Variants in ANKRD13D observed in about 807,000 individuals in gnomAD.
The protein encoded by ANKRD13D is ankyrin repeat domain 13D, also known as ankyrin repeat domain-containing protein 13D.
ANKRD13D carries 24 observed loss-of-function variants against 68.8 expected under a neutral mutation model. The ratio of observed to expected loss-of-function variants is 0.35; its 90% confidence interval spans 0.25 to 0.49. ANKRD13D has a LOEUF of 0.49. ANKRD13D is among the 20% of genes least tolerant of loss of function. The pLI is 0.99. For missense variants in ANKRD13D, 735 were observed against 832.1 expected, an observed-to-expected ratio of 0.88 and a Z score of 1.44; for synonymous variants, 331 against 336.1, an observed-to-expected ratio of 0.98 and a Z score of 0.16.
Position 67,300,197 on chromosome 11 carries a change from A to G in ANKRD13D, c.1073+74A>G. 6.3e-7 allele frequency: 1 copy of G among 1,588,672 alleles called. No homozygotes were observed. The highest frequency in any genetic ancestry group is 8.6e-7 in the Non-Finnish European group (1 of 1,165,090). The stretch of plus-strand genomic sequence containing the variant: ...GCAGACCCCTCTCTGGGCCTGTCAT[A>G]GTTAGGGACCCACTCCCTCGGCTGG... On this transcript the variant is annotated intron_variant, in intron 10 of 14. Coordinates refer to ENST00000511455, the MANE Select transcript of ANKRD13D (RefSeq NM_207354.3). The surrounding 1 kb of genome is among the most constrained non-coding windows in gnomAD (Gnocchi z 4.3).
intron 3 of ANKRD13D, chr11:67,290,655 G>C (rs1860497014): frequency 1.4e-6 from 1 of 714,026 alleles, no homozygotes; most frequent in Non-Finnish European, 2.1e-6. Context: ...CCCTTTGGAA[G>C]AGAAGCCTTG....
chr11:67,295,945 G>T (rs901272448), intron 6 of ANKRD13D, among the ~76,000 whole-genome samples: 1 of 152,166 alleles, frequency 6.6e-6, no homozygotes, highest in African/African-American at 2.4e-5. Context: ...ATGAAAGGAT[G>T]TTGGATTTTG....
At position 67,302,191 on chromosome 11, in the gene ANKRD13D, C is replaced by A. The variant is rs764104705; in HGVS notation, c.1677C>A (p.Ala559=). The A allele has an allele frequency of 2.5e-6, 4 of 1,592,234 alleles. No individual in the cohort carries two copies. The African/African-American group carries it at 5.4e-5, about 21-fold the overall frequency. The change falls in exon 15 of 15, where the codon GCC becomes GCA. Residue 559 remains alanine (A), a synonymous_variant. Coordinates refer to ENST00000511455, the MANE Select transcript of ANKRD13D (RefSeq NM_207354.3). The stretch of plus-strand genomic sequence containing the variant: ...GATCCCCTCCCAGGACACCCCCAGC[C>A]CCCGGTCCACCCAGCTTTGAAGAGC... ...GPGSPPRTPP[A]PGPPSFEEQL... is the part of the protein sequence containing the mutation.
chr11:67,300,086 A>C lies in ANKRD13D; in HGVS notation c.1036A>C (p.Ile346Leu). ...CAACTTCAGCCTGGAGTCACGGAAC[A>C]TTGGCCGCCCCATCGAGATGTCCAG... Reference protein sequence around the residue: ...DPNFSLESRNIGRPIEMSSKV... With the variant: ...DPNFSLESRNLGRPIEMSSKV... The change falls in exon 10 of 15, where the codon ATT becomes CTT. Residue 346 changes from isoleucine (I) to leucine (L), a missense_variant. Coordinates refer to ENST00000511455, the MANE Select transcript of ANKRD13D (RefSeq NM_207354.3). The surrounding 1 kb of genome is among the most constrained non-coding windows in gnomAD (Gnocchi z 4.3). 6.2e-7 allele frequency: 1 copy of C among 1,614,010 alleles called. No individual in the cohort carries two copies. Among genetic ancestry groups the C allele is most frequent in the Non-Finnish European group, 8.5e-7 (1 of 1,179,940 alleles).
At position 67,291,720 on chromosome 11, in the gene ANKRD13D, G is replaced by A. The variant is rs150486121; in HGVS notation, c.515G>A (p.Arg172Gln). The A allele has an allele frequency of 8.7e-6, 14 of 1,613,900 alleles. No homozygotes were observed. Among genetic ancestry groups the A allele is most frequent in the South Asian group, 2.2e-5 (2 of 91,094 alleles). Residue 172 changes from arginine to glutamine, a missense_variant, in exon 5 of 15, where the codon CGG becomes CAG. Transcript: ENST00000511455. ...GFEHMTWQRG[R>Q]RSFIFKGQEA... ...GAGCACATGACCTGGCAGCGGGGCC[G>A]GAGGAGCTTCATCTTCAAGGGCCAG...
chr11:67,291,147 C>A (rs1323866971), intron 3 of ANKRD13D: 3 of 307,860 alleles, frequency 9.7e-6, no homozygotes, highest in Non-Finnish European at 1.8e-5. Flanking sequence ...CACTTGAGCC[C>A]AGGAGGTGGA....
intron 3 of ANKRD13D, chr11:67,290,924 G>C (rs922955459): frequency 5.6e-6 from 1 of 179,930 alleles, no homozygotes; most frequent in African/African-American, 2.4e-5. Flanking sequence ...CTCTGCACAG[G>C]CTCATGGCCA....
chr11:67,298,773 T>C, intron 6 of ANKRD13D: 1 of 451,682 alleles, frequency 2.2e-6, no homozygotes, highest in East Asian at 3.8e-5. Flanking sequence ...AGTAAATGCT[T>C]CTGCACAATT....
intron 6 of ANKRD13D, among the ~76,000 whole-genome samples, chr11:67,296,205 T>C (rs1002942981): frequency 6.6e-6 from 1 of 152,230 alleles, no homozygotes; most frequent in African/African-American, 2.4e-5. Flanking sequence ...GGTTTTGGTA[T>C]CTGGGTGATG....
At chr11:67,291,438 C>T (rs1391681774) in intron 3 of ANKRD13D, 38 bp from the exon 4 acceptor site, 1 of 1,611,566 alleles carries the variant, frequency 6.2e-7, no homozygotes, top group Non-Finnish European at 8.5e-7. Flanking sequence ...GAGCCAGCAG[C>T]AGGCAGGGCG....
intron 1 of ANKRD13D, 65 bp downstream of exon 1, chr11:67,289,615 C>T: frequency 2.4e-6 from 3 of 1,232,438 alleles, no homozygotes; most frequent in Non-Finnish European, 3.2e-6. Context: ...TGGCCTCCGT[C>T]CTGGAGCCCC....
intron 3 of ANKRD13D, chr11:67,290,733 A>C: frequency 2.6e-6 from 1 of 389,994 alleles, no homozygotes; most frequent in East Asian, 4.7e-5. Context: ...TCGGTGGATT[A>C]TGGCCTGAAA....
At chr11:67,290,027 C>T (rs1860465786) in intron 1 of ANKRD13D, 51 bp from the exon 2 acceptor site, 1 of 1,507,406 alleles carries the variant, frequency 6.6e-7, no homozygotes, top group Admixed American at 2.1e-5. Context: ...GGCAGCCTCC[C>T]TGCCTTGCCC....
chr11:67,298,365 T>A (rs200908072), intron 6 of ANKRD13D: 2 of 152,332 alleles, frequency 1.3e-5, no homozygotes, highest in Non-Finnish European at 2.9e-5. Context: ...CCCGGACTTA[T>A]TGAGGTTTTC....
Position 67,290,401 on chromosome 11 carries a change from G to GC in ANKRD13D, c.307dup (p.Gln103ProfsTer22), listed in dbSNP as rs778756837. On this transcript the variant is annotated frameshift_variant, in exon 3 of 15. Transcript: ENST00000511455. LOFTEE classifies it high-confidence loss of function. ...AGTATCGGGACTACCAGAGGGCCAC[G>GC]CAGAGGCTGGCGGGCATTCCGGAAC... 15 of 1,593,080 alleles carry GC rather than the reference G, an allele frequency of 9.4e-6. No individual in the cohort carries two copies. Among genetic ancestry groups the GC allele is most frequent in the Non-Finnish European group, 1.1e-5 (13 of 1,171,132 alleles).
rs1349244979 is a variant in ANKRD13D at position 67,299,442 on chromosome 11, G to A, written c.799-88G>A. Reference sequence around the variant, plus strand: ...GGAGCAAGATCTCATCTGTCTCTGGGACAGGAGGACCTGGGTTCTGCACTG... The same window carrying A: ...GGAGCAAGATCTCATCTGTCTCTGGAACAGGAGGACCTGGGTTCTGCACTG... On this transcript the variant is annotated intron_variant, in intron 7 of 14. Transcript: ENST00000511455. This position sits in a 1 kb window ranked among gnomAD's most constrained non-coding sequence, Gnocchi z 6.2. 1 of 1,138,514 alleles carries A rather than the reference G, an allele frequency of 8.8e-7. No homozygotes were observed. The highest frequency in any genetic ancestry group is 1.5e-5 in the African/African-American group (1 of 64,740). 70.5% of individuals were successfully genotyped at this position (1,138,514 alleles called of 1,614,324 possible).
rs1197385504 is a variant in ANKRD13D, at chr11:67,290,187, G to C, written c.200G>C (p.Gly67Ala). Residue 67 changes from glycine to alanine, a missense_variant, in exon 2 of 15, where the codon GGC (glycine) becomes GCC (alanine). Gly to Ala is a moderately conservative substitution (Grantham distance 60). Coordinates refer to ENST00000511455, the MANE Select transcript of ANKRD13D (RefSeq NM_207354.3). ...CTCCTTCGACACAATGCCAACGTGG[G>C]CAAAGAGAACCGCCAGGGCTGGGCA... ...RVLLRHNANV[G>A]KENRQGWAVL... 1 of 1,537,786 alleles carries C rather than the reference G, an allele frequency of 6.5e-7. No homozygotes were observed. Among genetic ancestry groups the C allele is most frequent in the Non-Finnish European group, 8.7e-7 (1 of 1,146,880 alleles).
chr11:67,291,465 G>A lies in ANKRD13D; in HGVS notation c.352-11G>A, dbSNP rs1181247108. ...GGCAGGGCGCTGACAAGCAGCTCTG[G>A]TTTCTCTTAGGCCCCCGATTTCTAC... On this transcript the variant is annotated splice_polypyrimidine_tract_variant and intron_variant, in intron 3 of 14. Coordinates refer to ENST00000511455, the MANE Select transcript of ANKRD13D (RefSeq NM_207354.3). The A allele has an allele frequency of 1.2e-6, 2 of 1,613,556 alleles. No individual in the cohort carries two copies. The highest frequency in any genetic ancestry group is 1.7e-6 in the Non-Finnish European group (2 of 1,179,900).
At chr11:67,291,774 T>C in intron 5 of ANKRD13D, 28 bp downstream of exon 5, 1 of 1,610,200 alleles carries the variant, frequency 6.2e-7, no homozygotes, top group African/African-American at 1.3e-5. Context: ...TCATTGCAGC[T>C]CCTCGGCCCT....
Sources: allele counts gnomAD v4.1 joint callset (sites outside exome capture counted in the v4.1 genomes callset), GRCh38; gene constraint gnomAD v4.1.1; non-coding constraint Gnocchi (gnomAD v3.1); transcripts MANE v1.5; gene names NCBI Gene and HGNC (gene_info 2026-07-23, HGNC 2026-07-21).